Variants in CDK12 observed in about 807,000 individuals in gnomAD.
The protein encoded by CDK12 is cyclin dependent kinase 12, also known as cyclin-dependent kinase 12.
In CDK12, 17 loss-of-function variants were observed where a neutral mutation model predicts 133.8. That is an observed-to-expected ratio of 0.13 (90% CI 0.09 to 0.19). CDK12 has a LOEUF of 0.19. Among genes scored for constraint, CDK12 ranks in the 10% least tolerant of loss-of-function variants. The pLI is 1.00. For synonymous variants in CDK12, 694 were observed against 683.6 expected (o/e 1.02, Z -0.24); for missense variants, 1,508 against 1,818.7 (o/e 0.83, Z 3.11).
At chr17:39,480,940 C>T (rs1310000251) in intron 2 of CDK12, among the ~76,000 whole-genome samples, 2 of 152,120 alleles carry the variant, frequency 1.3e-5, no homozygotes, top group Non-Finnish European at 2.9e-5. Context: ...AGTAGATCAT[C>T]TGTATACTTT....
rs185817624 is a variant in CDK12, at chr17:39,520,679, G to A, written c.3095+592G>A. 1.1e-3 allele frequency among the ~76,000 whole-genome samples: 151 copies of A among 141,046 alleles called. 1 individual carries two copies. Among genetic ancestry groups the A allele is most frequent in the African/African-American group, 3.5e-3 (142 of 40,182 alleles). The allele number at this position is 141,046 out of a possible 152,430, so 92.5% of individuals were successfully genotyped here. On this transcript the variant is annotated intron_variant, in intron 11 of 13. Transcript: ENST00000447079. The stretch of plus-strand genomic sequence containing the variant: ...TGGGATTACAGGCGTAAGCCACTGC[G>A]TCCAGCGTGTTTTTGTTGTTGTTGT...
chr17:39,483,304 G>A (rs939039936), intron 2 of CDK12, among the ~76,000 whole-genome samples: 4 of 150,514 alleles, frequency 2.7e-5, no homozygotes, highest in African/African-American at 7.3e-5. Flanking sequence ...TCCCTTTGTC[G>A]CCCATGCTGG....
intron 1 of CDK12, among the ~76,000 whole-genome samples, 189 bp downstream of exon 1, chr17:39,463,306 G>T (rs761049035): frequency 6.6e-6 from 1 of 152,170 alleles, no homozygotes; most frequent in Non-Finnish European, 1.5e-5. Context: ...AGAGTACATA[G>T]GCCTCAAACC....
At chr17:39,558,919 C>T (rs4988981) in intron 3 of CDK12, among the ~76,000 whole-genome samples, 7,931 of 152,296 alleles carry the variant, frequency 0.052, 666 homozygotes, top group African/African-American at 0.18. Context: ...GTTGGGATTA[C>T]AGGTGTGAGC....
At chr17:39,535,975 GTGAGCATTCC>G (rs1410390084), downstream of CDK12, among the ~76,000 whole-genome samples, 2 of 152,138 alleles carry the variant, frequency 1.3e-5, no homozygotes, top group Non-Finnish European at 2.9e-5. Context: ...GAGAGGCAAG[GTGAGCATTCC>G]TGGACACTTT....
chr17:39,533,687 G>A lies in CDK12; in HGVS notation c.*2371G>A. On this transcript the variant is annotated 3_prime_UTR_variant, in exon 14 of 14. Coordinates refer to ENST00000447079, the MANE Select transcript of CDK12 (RefSeq NM_016507.4). ...CTACTAGGGAAGGGGGTGAGTGTAT[G>A]TGTGAGTGTATGTGTATGTATGATC... The A allele has an allele frequency of 4.3e-6, 1 of 232,860 alleles. No individual in the cohort carries two copies. Among genetic ancestry groups the A allele is most frequent in the Non-Finnish European group, 8.5e-6 (1 of 117,814 alleles). The allele number at this position is 232,860 out of a possible 1,614,324, so 14.4% of individuals were successfully genotyped here.
chr17:39,564,350 G>A (rs1287419789), intron 3 of CDK12, among the ~76,000 whole-genome samples: 2 of 152,216 alleles, frequency 1.3e-5, no homozygotes, highest in Non-Finnish European at 2.9e-5. Context: ...ACAAGGCCAG[G>A]ATTGTTTCTG....
At position 39,461,792 on chromosome 17, in the gene CDK12, G is replaced by A. The variant is rs1235847636; in HGVS notation, c.-280G>A. ...GCCCGGGCCTGAGGACTGGCTCGGCGGAGGGAGAAGAGGAAACAGACTTGA... is the reference window on the plus strand; with the variant it reads ...GCCCGGGCCTGAGGACTGGCTCGGCAGAGGGAGAAGAGGAAACAGACTTGA... On this transcript the variant is annotated 5_prime_UTR_variant, in exon 1 of 14. Transcript: ENST00000447079. The A allele has an allele frequency of 4.3e-6, 2 of 466,810 alleles. No homozygotes were observed. Among genetic ancestry groups the A allele is most frequent in the Non-Finnish European group, 7.7e-6 (2 of 258,218 alleles). The allele number at this position is 466,810 out of a possible 1,614,324, so 28.9% of individuals were successfully genotyped here.
chr17:39,493,841 A>C (rs2051845759), intron 4 of CDK12, among the ~76,000 whole-genome samples: 1 of 151,766 alleles, frequency 6.6e-6, no homozygotes, highest in Non-Finnish European at 1.5e-5. Flanking sequence ...CTAAAAATAG[A>C]AAAAATTAGC....
In CDK12 at chr17:39,489,654, G is replaced by A. The variant is rs1484079625; in HGVS notation, c.1932-903G>A. On this transcript the variant is annotated intron_variant, in intron 2 of 13. Transcript: ENST00000447079. Reference sequence around the variant, plus strand: ...ATTACAGGCAGCTGCTACCATGCCCGGCTAATTTTTTGTAGTTTTAGTAGA... The same window carrying A: ...ATTACAGGCAGCTGCTACCATGCCCAGCTAATTTTTTGTAGTTTTAGTAGA... Among the ~76,000 whole-genome samples the A allele has an allele frequency of 1.3e-5, 2 of 150,128 alleles. 1 individual carries two copies. The highest frequency in any genetic ancestry group is 4.2e-4 in the South Asian group (2 of 4,748).
intron 3 of CDK12, 53 bp from the exon 4 acceptor site, chr17:39,492,698 C>T (rs950190575): frequency 9.4e-6 from 14 of 1,493,614 alleles, no homozygotes; most frequent in African/African-American, 2.8e-5. Context: ...CATGAGCCAC[C>T]GCGCCCGGCC....
chr17:39,506,495 C>G (rs900702519), intron 6 of CDK12, among the ~76,000 whole-genome samples: 18 of 151,988 alleles, frequency 1.2e-4, no homozygotes, highest in Admixed American at 7.9e-4. Flanking sequence ...GGATTACAGA[C>G]GCGAGCCACC....
At chr17:39,485,408 C>T (rs917833200) in intron 2 of CDK12, among the ~76,000 whole-genome samples, 1 of 69,836 alleles carries the variant, frequency 1.4e-5, no homozygotes, top group Non-Finnish European at 2.7e-5. Flanking sequence ...CATCCCCCCC[C>T]TTTTTTTTTT....
intron 6 of CDK12, among the ~76,000 whole-genome samples, chr17:39,502,452 C>T (rs1044572689): frequency 1.1e-4 from 17 of 152,174 alleles, no homozygotes; most frequent in African/African-American, 3.6e-4. Context: ...CACGCCTGGC[C>T]GGTTCAGTTT....
intron 5 of CDK12, among the ~76,000 whole-genome samples, chr17:39,496,982 G>C (rs2145976732): frequency 7.1e-6 from 1 of 140,430 alleles, no homozygotes; most frequent in South Asian, 2.2e-4. Context: ...CCAGGCTCGA[G>C]TGCAGTGATG....
chr17:39,523,834 A>G (rs2054326233), intron 11 of CDK12, among the ~76,000 whole-genome samples: 2 of 152,078 alleles, frequency 1.3e-5, no homozygotes, highest in Admixed American at 6.6e-5. Flanking sequence ...TTGTATTTTT[A>G]GCAGAGACCA....
intron 12 of CDK12, 135 bp from the exon 13 acceptor site, chr17:39,525,729 G>C: frequency 1.5e-6 from 1 of 659,692 alleles, no homozygotes; most frequent in Non-Finnish European, 2.6e-6. Flanking sequence ...ATGACATTTT[G>C]AGGCATGAAA....
intron 11 of CDK12, among the ~76,000 whole-genome samples, chr17:39,521,490 T>C (rs771382718): frequency 2.6e-5 from 4 of 152,064 alleles, no homozygotes; most frequent in Non-Finnish European, 4.4e-5. Flanking sequence ...CTTGAACTCC[T>C]GGCCTCAGGT....
In CDK12 at chr17:39,532,003, G is replaced by T. The variant is rs1360650902; in HGVS notation, c.*687G>T. On this transcript the variant is annotated 3_prime_UTR_variant, in exon 14 of 14. Transcript: ENST00000447079. Reference sequence around the variant, plus strand: ...TGACAAAAGATACGCCCTTCTCCCTGCACATAAAGCAGGTTGTAGAACGTG... The same window carrying T: ...TGACAAAAGATACGCCCTTCTCCCTTCACATAAAGCAGGTTGTAGAACGTG... 4.3e-6 allele frequency: 1 copy of T among 233,500 alleles called. No homozygotes were observed. Among genetic ancestry groups the T allele is most frequent in the Non-Finnish European group, 8.5e-6 (1 of 118,028 alleles). The allele number at this position is 233,500 out of a possible 1,614,324, so 14.5% of individuals were successfully genotyped here. A position where few individuals can be genotyped will look rare whatever the true frequency, so the allele number is the denominator to read the frequency against.
Sources: allele counts gnomAD v4.1 joint callset (sites outside exome capture counted in the v4.1 genomes callset), GRCh38; gene constraint gnomAD v4.1.1; transcripts MANE v1.5; gene names NCBI Gene and HGNC (gene_info 2026-07-23, HGNC 2026-07-21).